Variants in CDYL2 observed in about 807,000 individuals in gnomAD.
CDYL2 encodes chromodomain Y-like protein 2.
CDYL2 carries 23 observed loss-of-function variants against 49.4 expected under a neutral mutation model. The observed-to-expected ratio is 0.47, with a 90% confidence interval of 0.34 to 0.66. The LOEUF (loss-of-function observed/expected upper bound fraction) is 0.66, where lower values mean the gene tolerates loss of function less well. CDYL2 is among the 30% of genes least tolerant of loss of function. The pLI, the probability that CDYL2 is intolerant of heterozygous loss-of-function variation, is 0.01. For missense variants in CDYL2, 678 were observed against 656.4 expected, an observed-to-expected ratio of 1.03 and a Z score of -0.36; for synonymous variants, 360 against 268.8, an observed-to-expected ratio of 1.34 and a Z score of -3.32.
chr16:80,686,025 G>C (rs988057884), intron 1 of CDYL2, among the ~76,000 whole-genome samples: 1 of 152,190 alleles, frequency 6.6e-6, no homozygotes, highest in African/African-American at 2.4e-5. Flanking sequence ...GTCCCTGTGG[G>C]TGTACACCAC....
intron 2 of CDYL2, among the ~76,000 whole-genome samples, chr16:80,678,194 G>C (rs182761332): frequency 6.6e-6 from 1 of 152,188 alleles, no homozygotes; most frequent in East Asian, 1.9e-4. Flanking sequence ...TCAGGACATA[G>C]GCACGGGCAA....
At chr16:80,604,628 G>T in intron 6 of CDYL2, 82 bp from the exon 7 acceptor site, 1 of 1,441,180 alleles carries the variant, frequency 6.9e-7, no homozygotes, top group Non-Finnish European at 9.7e-7. Context: ...TGGGGCACTG[G>T]CCAACCTCCC....
intron 1 of CDYL2, among the ~76,000 whole-genome samples, chr16:80,759,628 T>C (rs1906459763): frequency 6.6e-6 from 1 of 152,222 alleles, no homozygotes; most frequent in Non-Finnish European, 1.5e-5. Context: ...TTCTGTGGCT[T>C]CTCTGAGGTG....
chr16:80,634,438 T>G (rs777165980), intron 2 of CDYL2, among the ~76,000 whole-genome samples: 2 of 152,108 alleles, frequency 1.3e-5, no homozygotes, highest in African/African-American at 4.8e-5. Flanking sequence ...TAGGTGGGAA[T>G]TGAACAATGA....
At chr16:80,707,898 C>T (rs1177431822) in intron 1 of CDYL2, among the ~76,000 whole-genome samples, 2 of 152,134 alleles carry the variant, frequency 1.3e-5, no homozygotes, top group Admixed American at 6.6e-5. Flanking sequence ...ACCATTGATG[C>T]CTCTTAAACC....
intron 2 of CDYL2, among the ~76,000 whole-genome samples, chr16:80,642,694 C>A (rs1488668705): frequency 6.6e-6 from 1 of 152,106 alleles, no homozygotes; most frequent in Non-Finnish European, 1.5e-5. Flanking sequence ...ATAGCAGTGG[C>A]AAGAGGAAAT....
At position 80,759,576 on chromosome 16, in the gene CDYL2, T is replaced by C. The variant is rs1906457909; in HGVS notation, c.24+44574A>G. Among the ~76,000 whole-genome samples, 4 of 152,194 alleles carry C rather than the reference T, an allele frequency of 2.6e-5. No homozygotes were observed. In the South Asian group the frequency reaches 8.3e-4, roughly 31 times the overall value. On this transcript the variant is annotated intron_variant, in intron 1 of 6. Coordinates refer to ENST00000570137, the MANE Select transcript of CDYL2 (RefSeq NM_152342.4). ...TTTTGTGATGATGGTTATGAGTGCA[T>C]CGATCAAATTGTTCCTTTTGGTTTG...
chr16:80,667,903 C>A (rs1909334768), intron 2 of CDYL2, among the ~76,000 whole-genome samples: 1 of 152,204 alleles, frequency 6.6e-6, no homozygotes, highest in African/African-American at 2.4e-5. Flanking sequence ...TTGTTCCAGG[C>A]AACATGGCTG....
At chr16:80,605,496 T>C (rs1381261688) in intron 6 of CDYL2, among the ~76,000 whole-genome samples, 1 of 149,512 alleles carries the variant, frequency 6.7e-6, no homozygotes, top group Non-Finnish European at 1.5e-5. Context: ...ATCATAGTAA[T>C]AATAGTCACA....
intron 5 of CDYL2, among the ~76,000 whole-genome samples, chr16:80,608,936 GGTTAAAGC>G (rs1906466630): frequency 6.6e-6 from 1 of 152,112 alleles, no homozygotes; most frequent in African/African-American, 2.4e-5. Context: ...AAATTAAACT[GGTTAAAGC>G]ACTTCCATCA....
chr16:80,747,745 G>C (rs768126374), intron 1 of CDYL2, among the ~76,000 whole-genome samples: 1 of 152,112 alleles, frequency 6.6e-6, no homozygotes, highest in Middle Eastern at 3.2e-3. Context: ...CACTGAGTAA[G>C]TGCCCTAGTT....
intron 1 of CDYL2, among the ~76,000 whole-genome samples, chr16:80,783,186 C>G (rs1907328799): frequency 6.6e-6 from 1 of 152,086 alleles, no homozygotes; most frequent in African/African-American, 2.4e-5. Flanking sequence ...ACAAACACCT[C>G]AATTTGAAAC....
intron 3 of CDYL2, among the ~76,000 whole-genome samples, chr16:80,624,717 C>G (rs1379625054): frequency 6.6e-6 from 1 of 151,794 alleles, no homozygotes; most frequent in Non-Finnish European, 1.5e-5. Flanking sequence ...GAGAGGAAAA[C>G]AGACATGAAC....
At chr16:80,747,703 C>T (rs955722776) in intron 1 of CDYL2, among the ~76,000 whole-genome samples, 3 of 152,108 alleles carry the variant, frequency 2.0e-5, no homozygotes, top group Non-Finnish European at 4.4e-5. Context: ...ACAGCCACAA[C>T]CAAAAGCTAT....
chr16:80,732,919 C>T (rs963897841), intron 1 of CDYL2, among the ~76,000 whole-genome samples: 2 of 152,278 alleles, frequency 1.3e-5, no homozygotes, highest in African/African-American at 4.8e-5. Context: ...CATAAACACA[C>T]ATCTATTATT....
At chr16:80,623,529 C>T (rs1907174391) in intron 3 of CDYL2, among the ~76,000 whole-genome samples, 1 of 152,090 alleles carries the variant, frequency 6.6e-6, no homozygotes, top group Admixed American at 6.5e-5. Flanking sequence ...TTCCTAGGAG[C>T]TGCCTAGAAA....
At chr16:80,692,089 G>C (rs1910439326) in intron 1 of CDYL2, among the ~76,000 whole-genome samples, 1 of 152,138 alleles carries the variant, frequency 6.6e-6, no homozygotes, top group African/African-American at 2.4e-5. Context: ...CCCAGTCTAA[G>C]TCCAACAAAG....
At chr16:80,607,479 C>T (rs920314267) in intron 6 of CDYL2, among the ~76,000 whole-genome samples, 1 of 152,238 alleles carries the variant, frequency 6.6e-6, no homozygotes, top group African/African-American at 2.4e-5. Flanking sequence ...GCTCTGGAAC[C>T]AGCCCTGGGG....
chr16:80,683,978 G>T (rs1335160564), intron 2 of CDYL2, among the ~76,000 whole-genome samples: 1 of 152,188 alleles, frequency 6.6e-6, no homozygotes, highest in Non-Finnish European at 1.5e-5. Context: ...ACCTAATATA[G>T]GTCAATCATC....
Sources: allele counts gnomAD v4.1 joint callset (sites outside exome capture counted in the v4.1 genomes callset), GRCh38; gene constraint gnomAD v4.1.1; transcripts MANE v1.5; gene names NCBI Gene and HGNC (gene_info 2026-07-23, HGNC 2026-07-21).